The following CDH12 variants were observed in gnomAD, a reference collection of about 807,000 sequenced individuals.
The protein encoded by CDH12 is cadherin-12.
A neutral mutation model predicts 74.1 loss-of-function variants in CDH12; 41 were observed. The ratio of observed to expected loss-of-function variants is 0.55; its 90% CI spans 0.43 to 0.72. CDH12 has a LOEUF of 0.72. Among genes scored for constraint, CDH12 ranks in the 30% least tolerant of loss-of-function variants. The pLI, the probability that CDH12 is intolerant of heterozygous loss-of-function variation, is 0.00. For synonymous variants in CDH12, 399 were observed against 355.0 expected, an observed-to-expected ratio of 1.12 and a Z score of -1.39; for missense variants, 945 against 977.2, an observed-to-expected ratio of 0.97 and a Z score of 0.44.
intron 5 of CDH12, among the ~76,000 whole-genome samples, chr5:22,076,902 A>T (rs773116738): frequency 6.6e-6 from 1 of 152,042 alleles, no homozygotes; most frequent in Non-Finnish European, 1.5e-5. Context: ...GCTCACTTTG[A>T]CATTCTACTC....
At chr5:22,124,689 A>T (rs1421387321) in intron 4 of CDH12, among the ~76,000 whole-genome samples, 1 of 152,072 alleles carries the variant, frequency 6.6e-6, no homozygotes, top group Non-Finnish European at 1.5e-5. Context: ...TATGGATCCC[A>T]TACTCTATTA....
chr5:22,780,228 GAAAC>G (rs575362847), intron 1 of CDH12, among the ~76,000 whole-genome samples: 2 of 152,002 alleles, frequency 1.3e-5, no homozygotes, highest in Non-Finnish European at 1.5e-5. Context: ...GCTACCAAAA[GAAAC>G]AAACAAATAA....
At chr5:22,609,784 A>C (rs538266664) in intron 1 of CDH12, among the ~76,000 whole-genome samples, 1 of 152,242 alleles carries the variant, frequency 6.6e-6, no homozygotes, top group African/African-American at 2.4e-5. Flanking sequence ...AAAGTGTGTC[A>C]TCTACTCAAT....
chr5:22,573,834 G>A (rs535386425), intron 1 of CDH12, among the ~76,000 whole-genome samples: 2 of 152,128 alleles, frequency 1.3e-5, no homozygotes, highest in South Asian at 4.2e-4. Context: ...TTGGACTGTA[G>A]AGGATCAATA....
chr5:21,985,301 A>G (rs1757467793), intron 5 of CDH12, among the ~76,000 whole-genome samples: 1 of 152,132 alleles, frequency 6.6e-6, no homozygotes, highest in African/African-American at 2.4e-5. Context: ...TTCAGTCTCA[A>G]AACATATATG....
intron 2 of CDH12, among the ~76,000 whole-genome samples, chr5:22,447,046 A>G (rs542417088): frequency 6.6e-6 from 1 of 152,206 alleles, no homozygotes; most frequent in South Asian, 2.1e-4. Context: ...CATACTAAGT[A>G]TATTTACCAT....
intron 5 of CDH12, among the ~76,000 whole-genome samples, chr5:22,002,934 G>A (rs1236049909): frequency 6.6e-6 from 1 of 151,986 alleles, no homozygotes; most frequent in African/African-American, 2.4e-5. Flanking sequence ...AGAAAGTTTG[G>A]AACACATTCT....
intron 1 of CDH12, among the ~76,000 whole-genome samples, chr5:22,564,271 T>A (rs1561493232): frequency 6.6e-6 from 1 of 152,230 alleles, no homozygotes; most frequent in Non-Finnish European, 1.5e-5. Context: ...ATTTTGGAGT[T>A]CTAACTTGGC....
chr5:21,993,127 C>T (rs984948241), intron 5 of CDH12, among the ~76,000 whole-genome samples: 8 of 152,048 alleles, frequency 5.3e-5, no homozygotes, highest in African/African-American at 1.4e-4. Flanking sequence ...TATTACAATT[C>T]GAGATGAGAT....
rs1458538733 is a variant in CDH12 at position 21,806,045 on chromosome 5, G to T, written c.1003-3625C>A. ...AGGAAACAATTCATCTAATTGAGTT[G>T]TGCAGTAAGAACCACAACTATAGAG... On this transcript the variant is annotated intron_variant, in intron 9 of 14. Transcript: ENST00000382254. Among the ~76,000 whole-genome samples, 7 of 152,212 alleles carry T rather than the reference G, an allele frequency of 4.6e-5. No individual in the cohort carries two copies. The South Asian group carries it at 1.0e-3, about 23-fold the overall frequency.
intron 4 of CDH12, among the ~76,000 whole-genome samples, chr5:22,201,913 A>G (rs1316958230): frequency 2.0e-5 from 3 of 152,194 alleles, no homozygotes; most frequent in Non-Finnish European, 4.4e-5. Flanking sequence ...AGAGAAAGTT[A>G]GAAGGCAGGA....
chr5:22,605,283 T>C (rs893387201), intron 1 of CDH12, among the ~76,000 whole-genome samples: 1 of 152,166 alleles, frequency 6.6e-6, no homozygotes, highest in Non-Finnish European at 1.5e-5. Context: ...CATGAGCCAA[T>C]GTTTCATAAT....
intron 3 of CDH12, among the ~76,000 whole-genome samples, chr5:22,403,587 T>A (rs1742820280): frequency 6.6e-6 from 1 of 152,122 alleles, no homozygotes; most frequent in Admixed American, 6.6e-5. Flanking sequence ...ACCATAATAT[T>A]TATGACCAGA....
At chr5:22,514,608 T>C (rs1736732928) in intron 1 of CDH12, among the ~76,000 whole-genome samples, 1 of 152,232 alleles carries the variant, frequency 6.6e-6, no homozygotes, top group African/African-American at 2.4e-5. Context: ...TCTGAGGATG[T>C]ATGGCCTGGC....
At chr5:22,721,010 G>T (rs1426619767) in intron 1 of CDH12, among the ~76,000 whole-genome samples, 1 of 152,224 alleles carries the variant, frequency 6.6e-6, no homozygotes. Context: ...AGCTGAAGAA[G>T]TTTGCATAAG....
At chr5:21,822,596 A>G (rs1342529906) in intron 8 of CDH12, among the ~76,000 whole-genome samples, 1 of 152,080 alleles carries the variant, frequency 6.6e-6, no homozygotes, top group Non-Finnish European at 1.5e-5. Context: ...AGTCAAGCAT[A>G]CTAAACATAC....
chr5:22,199,748 T>C (rs1463530753), intron 4 of CDH12, among the ~76,000 whole-genome samples: 5 of 152,196 alleles, frequency 3.3e-5, no homozygotes, highest in Admixed American at 2.6e-4. Flanking sequence ...ATTATTTTTC[T>C]ATTATGTTCC....
intron 2 of CDH12, among the ~76,000 whole-genome samples, chr5:22,473,157 A>G (rs11739642): frequency 0.55 from 83,186 of 151,700 alleles, 22,998 homozygotes; most frequent in Admixed American, 0.68. Context: ...TTGTTCCTCA[A>G]TTTTGAATAT....
At chr5:22,740,577 A>G (rs1165662042) in intron 1 of CDH12, among the ~76,000 whole-genome samples, 1 of 152,094 alleles carries the variant, frequency 6.6e-6, no homozygotes, top group Non-Finnish European at 1.5e-5. Context: ...TAGCATCTTC[A>G]TTGTAAATAT....
Sources: gnomAD v4.1 joint callset for allele counts (sites outside exome capture counted in the v4.1 genomes callset) on GRCh38, gnomAD v4.1.1 for gene constraint, MANE v1.5 for transcripts, NCBI Gene and HGNC (gene_info 2026-07-23, HGNC 2026-07-21) for gene names.